The following MAGI2 variants were observed in gnomAD, a reference collection of about 807,000 sequenced individuals.
MAGI2 encodes membrane-associated guanylate kinase, WW and PDZ domain-containing protein 2.
A neutral mutation model predicts 133.3 loss-of-function variants in MAGI2; 35 were observed. The ratio of observed to expected loss-of-function variants is 0.26; its 90% confidence interval spans 0.20 to 0.35. The LOEUF is 0.35. Ranked by LOEUF, MAGI2 falls within the 10% of genes least tolerant of loss-of-function variation. The pLI is 1.00. For missense variants in MAGI2, 1,636 were observed against 1,863.4 expected (o/e 0.88, Z 2.25); for synonymous variants, 729 against 710.6 (o/e 1.03, Z -0.41).
chr7:79,111,879 G>A (rs1055548114), intron 1 of MAGI2, among the ~76,000 whole-genome samples: 4 of 151,856 alleles, frequency 2.6e-5, no homozygotes, highest in African/African-American at 9.7e-5. Flanking sequence ...GTGTTAGCCA[G>A]GATGGTCTTG....
Position 79,070,412 on chromosome 7 carries a change from G to A in MAGI2, c.302-63206C>T, listed in dbSNP as rs192245478. Among the ~76,000 whole-genome samples the A allele has an allele frequency of 1.7e-4, 26 of 151,268 alleles. No homozygotes were observed. In the South Asian group the frequency reaches 4.0e-3, roughly 23 times the overall value. On this transcript the variant is annotated intron_variant, in intron 1 of 21. Transcript: ENST00000354212. ...TTGATCGATTCAGCTATTGATACTT[G>A]TATATGCTTCACAAAGTTCTCGTGT...
At chr7:78,793,493 A>G (rs1481860458) in intron 2 of MAGI2, among the ~76,000 whole-genome samples, 3 of 152,168 alleles carry the variant, frequency 2.0e-5, no homozygotes, top group Admixed American at 1.3e-4. Flanking sequence ...AATTCTGTCA[A>G]TCATGGAGAT....
At chr7:79,247,254 T>C (rs933280024) in intron 1 of MAGI2, among the ~76,000 whole-genome samples, 6 of 152,138 alleles carry the variant, frequency 3.9e-5, no homozygotes, top group African/African-American at 1.4e-4. Context: ...AACAATATTA[T>C]AACACTTTAA....
chr7:79,319,778 G>A (rs1839026826), intron 1 of MAGI2, among the ~76,000 whole-genome samples: 1 of 152,034 alleles, frequency 6.6e-6, no homozygotes, highest in African/African-American at 2.4e-5. Context: ...TCCCATCTAA[G>A]CCTAACTGGT....
intron 20 of MAGI2, among the ~76,000 whole-genome samples, chr7:78,116,358 G>A (rs202104350): frequency 2.7e-4 from 38 of 143,222 alleles, no homozygotes; most frequent in Non-Finnish European, 2.4e-4. Context: ...TCCAACTTAG[G>A]AAAAAAAAAA....
At chr7:78,419,638 G>A (rs1202904626) in intron 6 of MAGI2, among the ~76,000 whole-genome samples, 3 of 150,434 alleles carry the variant, frequency 2.0e-5, no homozygotes, top group Non-Finnish European at 4.4e-5. Flanking sequence ...AAGGGCCCAA[G>A]AGAGCTAAGC....
At chr7:78,112,848 G>A (rs1392377726) in intron 20 of MAGI2, among the ~76,000 whole-genome samples, 3 of 152,194 alleles carry the variant, frequency 2.0e-5, no homozygotes, top group Non-Finnish European at 2.9e-5. Context: ...TTATCACTGC[G>A]ACAAATGCTA....
chr7:78,863,557 A>T (rs944878274), intron 2 of MAGI2, among the ~76,000 whole-genome samples: 7 of 152,206 alleles, frequency 4.6e-5, no homozygotes, highest in African/African-American at 1.2e-4. Context: ...TTCTCCCATG[A>T]TCCAAATGCC....
At chr7:79,257,300 T>A (rs1263581208) in intron 1 of MAGI2, among the ~76,000 whole-genome samples, 2 of 152,174 alleles carry the variant, frequency 1.3e-5, no homozygotes, top group Non-Finnish European at 2.9e-5. Context: ...TGAAGCATTT[T>A]TATTATAACA....
chr7:78,464,611 A>G (rs1168446491), intron 6 of MAGI2, among the ~76,000 whole-genome samples: 1 of 152,180 alleles, frequency 6.6e-6, no homozygotes, highest in African/African-American at 2.4e-5. Context: ...CAAAAGAACA[A>G]TATTAATCTA....
chr7:78,238,078 G>A (rs971498303), intron 10 of MAGI2, among the ~76,000 whole-genome samples: 1 of 152,122 alleles, frequency 6.6e-6, no homozygotes, highest in African/African-American at 2.4e-5. Flanking sequence ...ACTAGGACAT[G>A]GTTTTTCTTC....
chr7:79,367,570 C>G (rs1229682353), intron 1 of MAGI2, among the ~76,000 whole-genome samples: 2 of 151,940 alleles, frequency 1.3e-5, no homozygotes, highest in Non-Finnish European at 2.9e-5. Flanking sequence ...ACCTTAGTTT[C>G]CTTCTCTGTA....
intron 9 of MAGI2, among the ~76,000 whole-genome samples, chr7:78,336,827 A>C (rs560398640): frequency 6.6e-6 from 1 of 152,290 alleles, no homozygotes; most frequent in African/African-American, 2.4e-5. Context: ...GAATGCTAGG[A>C]TGCTCGCGAG....
intron 1 of MAGI2, among the ~76,000 whole-genome samples, chr7:79,299,174 T>C (rs901975847): frequency 2.0e-5 from 3 of 152,154 alleles, no homozygotes; most frequent in Non-Finnish European, 4.4e-5. Flanking sequence ...GGAGTGGAAG[T>C]AATTCTTTAG....
intron 6 of MAGI2, among the ~76,000 whole-genome samples, chr7:78,450,620 G>A (rs1222682546): frequency 1.3e-5 from 2 of 151,816 alleles, no homozygotes; most frequent in Non-Finnish European, 2.9e-5. Context: ...ATTAACTTGA[G>A]GGTGACAAGA....
chr7:78,760,907 A>C (rs1824442527), intron 2 of MAGI2, among the ~76,000 whole-genome samples: 1 of 152,200 alleles, frequency 6.6e-6, no homozygotes, highest in African/African-American at 2.4e-5. Context: ...ACTCTCACCA[A>C]GGAGCCAGGA....
chr7:78,485,295 G>C (rs2150475371), intron 6 of MAGI2: 1 of 152,136 alleles, frequency 6.6e-6, no homozygotes, highest in Non-Finnish European at 1.5e-5. Context: ...AGTAGGTGGA[G>C]ACATTTTTTT....
intron 2 of MAGI2, among the ~76,000 whole-genome samples, chr7:78,761,344 A>C (rs1420239380): frequency 6.6e-6 from 1 of 152,248 alleles, no homozygotes; most frequent in Admixed American, 6.5e-5. Context: ...CTGAGTTATT[A>C]GCCAGGCTGA....
intron 2 of MAGI2, among the ~76,000 whole-genome samples, chr7:78,988,925 A>G (rs1321686265): frequency 6.6e-6 from 1 of 152,128 alleles, no homozygotes; most frequent in East Asian, 1.9e-4. Flanking sequence ...ATTGATCTGA[A>G]TCAAGGTGAA....
Sources: gnomAD v4.1 joint callset for allele counts (sites outside exome capture counted in the v4.1 genomes callset) on GRCh38, gnomAD v4.1.1 for gene constraint, MANE v1.5 for transcripts, NCBI Gene and HGNC (gene_info 2026-07-23, HGNC 2026-07-21) for gene names.